The following MS4A6E variants were observed in gnomAD, a reference collection of about 807,000 sequenced individuals.
MS4A6E encodes membrane spanning 4-domains A6E, also known as membrane-spanning 4-domains subfamily A member 6E.
A neutral mutation model predicts 13.2 loss-of-function variants in MS4A6E; 8 were observed. The ratio of observed to expected loss-of-function variants is 0.60; its 90% CI spans 0.35 to 1.09. MS4A6E has a LOEUF of 1.09. MS4A6E is among the 50% of genes least tolerant of loss of function. The pLI is 0.02. For synonymous variants in MS4A6E, 72 were observed against 67.6 expected, an observed-to-expected ratio of 1.06 and a Z score of -0.32; for missense variants, 177 against 171.1, an observed-to-expected ratio of 1.03 and a Z score of -0.19.
intron 1 of MS4A6E, among the ~76,000 whole-genome samples, chr11:60,331,596 T>C (rs1404341875): frequency 6.6e-6 from 1 of 152,188 alleles, no homozygotes; most frequent in African/African-American, 2.4e-5. Flanking sequence ...AAACACAACA[T>C]AGATGATGTG....
At chr11:60,328,248 A>G (rs1317550565) in intron 1 of MS4A6E, among the ~76,000 whole-genome samples, 2 of 152,212 alleles carry the variant, frequency 1.3e-5, no homozygotes, top group Non-Finnish European at 2.9e-5. Flanking sequence ...ATTAAAAGAT[A>G]AAATGTATAA....
intron 2 of MS4A6E, among the ~76,000 whole-genome samples, chr11:60,337,530 C>T (rs1009533900): frequency 6.6e-6 from 1 of 152,062 alleles, no homozygotes; most frequent in African/African-American, 2.4e-5. Context: ...TTGAGGGGAA[C>T]CAGTTCATAT....
At chr11:60,347,285 A>G (rs1023582399) in intron 4 of MS4A6E, among the ~76,000 whole-genome samples, 2 of 152,136 alleles carry the variant, frequency 1.3e-5, no homozygotes, top group African/African-American at 4.8e-5. Context: ...TGATTGTGCA[A>G]TGCTTGCAAG....
At chr11:60,342,144 AGTGTGTGTGT>A (rs757687887), downstream of MS4A6E, among the ~76,000 whole-genome samples, 61 of 125,474 alleles carry the variant, frequency 4.9e-4, 1 homozygote, top group Middle Eastern at 4.4e-3. Context: ...AGGATAAACA[AGTGTGTGTGT>A]GTGTGTGTGT....
chr11:60,329,824 CTTTTTTT>C, intron 1 of MS4A6E, among the ~76,000 whole-genome samples: 1 of 135,156 alleles, frequency 7.4e-6, no homozygotes. Context: ...CCTTCACCCA[CTTTTTTT>C]TTTTTTTTTT....
intron 1 of MS4A6E, among the ~76,000 whole-genome samples, chr11:60,330,605 C>T (rs1008144557): frequency 1.1e-4 from 17 of 152,076 alleles, no homozygotes. Context: ...TCCCAAAGTG[C>T]TGGGATTACA....
At chr11:60,337,648 G>C (rs2085195681) in intron 2 of MS4A6E, 93 bp from the exon 3 acceptor site, 1 of 1,478,488 alleles carries the variant, frequency 6.8e-7, no homozygotes, top group Admixed American at 1.7e-5. Flanking sequence ...GAGGGAGACA[G>C]ATAAGGGAAT....
downstream of MS4A6E, among the ~76,000 whole-genome samples, chr11:60,343,832 C>T (rs1303444884): frequency 6.6e-6 from 1 of 152,162 alleles, no homozygotes; most frequent in African/African-American, 2.4e-5. Flanking sequence ...AGGTTGCTCT[C>T]TCAGCTTTCC....
At chr11:60,343,631 A>G (rs1304131991), downstream of MS4A6E, among the ~76,000 whole-genome samples, 5 of 152,246 alleles carry the variant, frequency 3.3e-5, no homozygotes, top group Non-Finnish European at 7.3e-5. Flanking sequence ...AATATGTGTT[A>G]AAAAGAAGTG....
chr11:60,344,243 C>T (rs1380890675), downstream of MS4A6E, among the ~76,000 whole-genome samples: 1 of 152,206 alleles, frequency 6.6e-6, no homozygotes, highest in Non-Finnish European at 1.5e-5. Context: ...TTTATTACCT[C>T]AGATGCCTTT....
intron 1 of MS4A6E, among the ~76,000 whole-genome samples, chr11:60,333,672 G>A (rs577320565): frequency 6.6e-6 from 1 of 152,282 alleles, no homozygotes; most frequent in South Asian, 2.1e-4. Flanking sequence ...TAGTTGTTTT[G>A]GGTCCAAAGA....
chr11:60,335,539 A>G (rs1486207037), intron 2 of MS4A6E: 3 of 455,140 alleles, frequency 6.6e-6, no homozygotes, highest in Admixed American at 4.7e-5. Context: ...GAGTTTATTA[A>G]AGAAGCTGTA....
chr11:60,330,812 C>G (rs1019614696), intron 1 of MS4A6E, among the ~76,000 whole-genome samples: 1 of 152,032 alleles, frequency 6.6e-6, no homozygotes, highest in Non-Finnish European at 1.5e-5. Context: ...AAGGAAGTGG[C>G]CCAGTTTTAG....
chr11:60,336,705 G>A (rs1302126619), intron 2 of MS4A6E, among the ~76,000 whole-genome samples: 1 of 152,168 alleles, frequency 6.6e-6, no homozygotes, highest in African/African-American at 2.4e-5. Flanking sequence ...GGGTCCCAGA[G>A]CATCAACTGG....
chr11:60,329,278 A>T (rs550764235), intron 1 of MS4A6E, among the ~76,000 whole-genome samples: 2 of 152,266 alleles, frequency 1.3e-5, no homozygotes, highest in South Asian at 4.2e-4. Flanking sequence ...TTTGCTGAGA[A>T]TGATGGTTTC....
chr11:60,329,590 T>C (rs1481113580), intron 1 of MS4A6E, among the ~76,000 whole-genome samples: 5 of 152,180 alleles, frequency 3.3e-5, no homozygotes, highest in African/African-American at 1.2e-4. Flanking sequence ...AATGGTTGAA[T>C]TAATTTACAC....
chr11:60,341,641 T>C (rs1051807062), downstream of MS4A6E, among the ~76,000 whole-genome samples: 1 of 152,176 alleles, frequency 6.6e-6, no homozygotes, highest in African/African-American at 2.4e-5. Flanking sequence ...CAATTTTATA[T>C]GACCTCCATT....
At chr11:60,345,755 G>A (rs1460978735), downstream of MS4A6E, among the ~76,000 whole-genome samples, 1 of 152,202 alleles carries the variant, frequency 6.6e-6, no homozygotes, top group African/African-American at 2.4e-5. Flanking sequence ...TATGTGGGGT[G>A]TAAATCATTT....
downstream of MS4A6E, among the ~76,000 whole-genome samples, chr11:60,343,046 G>T (rs150149831): frequency 6.6e-5 from 10 of 152,218 alleles, no homozygotes; most frequent in East Asian, 1.9e-3. Context: ...AGCAGCTAGG[G>T]CTCCTCCTGA....
Sources: gnomAD v4.1 joint callset for allele counts (sites outside exome capture counted in the v4.1 genomes callset) on GRCh38, gnomAD v4.1.1 for gene constraint, MANE v1.5 for transcripts, NCBI Gene and HGNC (gene_info 2026-07-23, HGNC 2026-07-21) for gene names.